RAPH1: variants seen among roughly 807,000 people sequenced by gnomAD.
RAPH1 encodes the protein ras-associated and pleckstrin homology domains-containing protein 1.
RAPH1 carries 18 observed loss-of-function variants against 88.1 expected under a neutral mutation model. That is an observed-to-expected ratio of 0.20 (90% CI 0.14 to 0.30). The LOEUF is 0.30. RAPH1 is among the 10% of genes least tolerant of loss of function. The pLI, the probability that RAPH1 is intolerant of heterozygous loss-of-function variation, is 1.00. For missense variants in RAPH1, 1,448 were observed against 1,543.2 expected, an observed-to-expected ratio of 0.94 and a Z score of 1.03; for synonymous variants, 587 against 559.0, an observed-to-expected ratio of 1.05 and a Z score of -0.71.
intron 1 of RAPH1, among the ~76,000 whole-genome samples, chr2:203,497,608 G>A (rs1688574624): frequency 6.6e-6 from 1 of 151,996 alleles, no homozygotes; most frequent in African/African-American, 2.4e-5. Flanking sequence ...CTAATACTGG[G>A]AAGAACCACA....
rs138368523 is a variant in RAPH1, at chr2:203,473,215, G to T, written c.733-11290C>A. 5.5e-3 allele frequency among the ~76,000 whole-genome samples: 843 copies of T among 152,320 alleles called. 7 individuals carry two copies. Among genetic ancestry groups the T allele is most frequent in the Non-Finnish European group, 9.2e-3 (625 of 68,032 alleles). ...ATAGGAGGACCACTTGAGCCCAGGA[G>T]CTTAAGGCTGCAGTGAGCTAAGATT... On this transcript the variant is annotated intron_variant, in intron 4 of 13. Coordinates refer to ENST00000319170, the MANE Select transcript of RAPH1 (RefSeq NM_213589.3).
chr2:203,470,182 A>AC, intron 4 of RAPH1: 1 of 1,132,760 alleles, frequency 8.8e-7, no homozygotes, highest in East Asian at 2.4e-5. Flanking sequence ...CAAAAACAGA[A>AC]ATCATATTCT....
intron 1 of RAPH1, among the ~76,000 whole-genome samples, chr2:203,512,780 T>C (rs1689411284): frequency 6.6e-6 from 1 of 151,916 alleles, no homozygotes; most frequent in South Asian, 2.1e-4. Context: ...CATGCCACCA[T>C]GCCTGGCTAA....
In RAPH1 at chr2:203,461,442, TA is replaced by T. The variant is rs766760646; in HGVS notation, c.811-35del. 3.3e-6 allele frequency: 5 copies of T among 1,493,728 alleles called. No individual in the cohort carries two copies. In the African/African-American group the frequency reaches 5.6e-5, roughly 17 times the overall value. 92.5% of individuals were successfully genotyped at this position (1,493,728 alleles called of 1,614,324 possible). On this transcript the variant is annotated intron_variant, in intron 5 of 13. Coordinates refer to ENST00000319170, the MANE Select transcript of RAPH1 (RefSeq NM_213589.3). ...GGTAAAAAGAAAAGTAAATGAACAC[TA>T]AAAAATGGCATTCTAGGAAAGGCAC...
In RAPH1 at chr2:203,462,347, G is replaced by A. The variant is rs144574800; in HGVS notation, c.733-422C>T. ...TAAGGGCAAGTCTTTGAATATTAAT[G>A]TTCTGTTCTGTTACACTGAAAGTAT... On this transcript the variant is annotated intron_variant, in intron 4 of 13. Transcript: ENST00000319170. Among the ~76,000 whole-genome samples, 64 of 152,212 alleles carry A rather than the reference G, an allele frequency of 4.2e-4. 1 individual carries two copies. In the East Asian group the frequency reaches 0.012, roughly 28 times the overall value.
chr2:203,486,093 CAAA>C (rs59599120), intron 4 of RAPH1, among the ~76,000 whole-genome samples: 1 of 121,862 alleles, frequency 8.2e-6, no homozygotes, highest in African/African-American at 3.3e-5. Context: ...CTGAAGACTA[CAAA>C]AAAAAAAAAA....
At chr2:203,517,707 C>T (rs1689679464) in intron 1 of RAPH1, among the ~76,000 whole-genome samples, 1 of 151,948 alleles carries the variant, frequency 6.6e-6, no homozygotes, top group Non-Finnish European at 1.5e-5. Flanking sequence ...AAATCAGTCA[C>T]AAACATAATT....
intron 10 of RAPH1, among the ~76,000 whole-genome samples, chr2:203,451,279 T>G (rs1223919236): frequency 6.6e-6 from 1 of 152,176 alleles, no homozygotes; most frequent in Non-Finnish European, 1.5e-5. Context: ...TTTCATTAAA[T>G]ACTCACAAAA....
intron 4 of RAPH1, among the ~76,000 whole-genome samples, chr2:203,476,159 TTTG>T (rs1303529783): frequency 6.6e-6 from 1 of 152,000 alleles, no homozygotes; most frequent in Non-Finnish European, 1.5e-5. Context: ...ACAAATAAAT[TTTG>T]TTGTTTTTGT....
rs1450648180 is a variant in RAPH1 at position 203,506,858 on chromosome 2, A to ATC, written c.1-11506_1-11505insGA. On this transcript the variant is annotated intron_variant, in intron 1 of 13. Coordinates refer to ENST00000319170, the MANE Select transcript of RAPH1 (RefSeq NM_213589.3). ...TATATCTATATATCTATCTATATCT[A>ATC]TATATATATATATATATATATAGAT... Among the ~76,000 whole-genome samples the ATC allele has an allele frequency of 1.0e-3, 69 of 66,580 alleles. 6 individuals carry two copies. Among genetic ancestry groups the ATC allele is most frequent in the Admixed American group, 2.1e-3 (12 of 5,804 alleles). 43.7% of individuals were successfully genotyped at this position (66,580 alleles called of 152,430 possible). A position where few individuals can be genotyped will look rare whatever the true frequency, so the allele number is the denominator to read the frequency against.
chr2:203,495,048 A>G, intron 2 of RAPH1, 186 bp downstream of exon 2: 1 of 545,668 alleles, frequency 1.8e-6, no homozygotes, highest in Non-Finnish European at 3.1e-6. Context: ...ACATCCTTAA[A>G]ATAACCATAG....
At chr2:203,477,234 A>C in intron 4 of RAPH1, 1 of 1,052,230 alleles carries the variant, frequency 9.5e-7, no homozygotes, top group Non-Finnish European at 1.5e-6. Flanking sequence ...GCAGGAAGAG[A>C]AAAAGATCAA....
chr2:203,479,360 T>C (rs950722673), intron 4 of RAPH1, among the ~76,000 whole-genome samples: 2 of 152,214 alleles, frequency 1.3e-5, no homozygotes, highest in South Asian at 4.1e-4. Flanking sequence ...TCCCAGCCCT[T>C]TGGGAGGCTG....
rs1272663946 is a variant in RAPH1, at chr2:203,506,873, T to TAG, written c.1-11521_1-11520insCT. Among the ~76,000 whole-genome samples, 220 of 105,412 alleles carry TAG rather than the reference T, an allele frequency of 2.1e-3. 8 individuals are homozygous for TAG. The highest frequency in any genetic ancestry group is 3.1e-3 in the Non-Finnish European group (170 of 55,272). The allele number at this position is 105,412 out of a possible 152,430, so 69.2% of individuals were successfully genotyped here. A position where few individuals can be genotyped will look rare whatever the true frequency, so the allele number is the denominator to read the frequency against. On this transcript the variant is annotated intron_variant, in intron 1 of 13. Transcript: ENST00000319170. ...ATCTATATCTATATATATATATATA[T>TAG]ATATATAGATATATATATATATATA...
In RAPH1 at chr2:203,455,514, C is replaced by G; in HGVS notation, c.1225G>C (p.Gly409Arg). The change falls in exon 9 of 14, where the codon GGC (glycine) becomes CGC (arginine). Residue 409 changes from glycine (G) to arginine (R), a missense_variant. Coordinates refer to ENST00000319170, the MANE Select transcript of RAPH1 (RefSeq NM_213589.3). ...TAACGCTTTTTCCAGGACTTCTTGC[C>G]ATCATCCTTCAACCAAAGGACTCCT... ...IEGVLWLKDD[G>R]KKSWKKRYFL... 6.2e-7 allele frequency: 1 copy of G among 1,613,774 alleles called. No individual in the cohort carries two copies. The highest frequency in any genetic ancestry group is 8.5e-7 in the Non-Finnish European group (1 of 1,179,726).
chr2:203,509,701 C>G (rs1031696257), intron 1 of RAPH1, among the ~76,000 whole-genome samples: 3 of 152,146 alleles, frequency 2.0e-5, no homozygotes, highest in Non-Finnish European at 4.4e-5. Flanking sequence ...CCCTGCAAAT[C>G]TCATGTCAAA....
At chr2:203,488,297 T>C (rs1168585093) in intron 4 of RAPH1, among the ~76,000 whole-genome samples, 2 of 152,018 alleles carry the variant, frequency 1.3e-5, no homozygotes, top group Non-Finnish European at 2.9e-5. Context: ...GGAAGGCAGA[T>C]ATAGTATTAC....
intron 10 of RAPH1, among the ~76,000 whole-genome samples, chr2:203,449,149 A>G (rs192484969): frequency 1.1e-3 from 170 of 152,378 alleles, no homozygotes; most frequent in Non-Finnish European, 2.1e-3. Flanking sequence ...AACAGAGTCC[A>G]TAGAATTCTC....
At position 203,439,132 on chromosome 2, in the gene RAPH1, C is replaced by T. The variant is rs2098500819; in HGVS notation, c.*305G>A. On this transcript the variant is annotated 3_prime_UTR_variant, in exon 14 of 14. Coordinates refer to ENST00000319170, the MANE Select transcript of RAPH1 (RefSeq NM_213589.3). ...GAAATCTTAAGAGACAACACACATC[C>T]CCTTCTATGCCTCTTCCACCCAAAA... The T allele has an allele frequency of 3.5e-6, 1 of 282,126 alleles. No homozygotes were observed. Among genetic ancestry groups the T allele is most frequent in the Non-Finnish European group, 6.7e-6 (1 of 148,222 alleles). The allele number at this position is 282,126 out of a possible 1,614,324, so 17.5% of individuals were successfully genotyped here.
Sources: allele counts gnomAD v4.1 joint callset (sites outside exome capture counted in the v4.1 genomes callset), GRCh38; gene constraint gnomAD v4.1.1; transcripts MANE v1.5; gene names NCBI Gene and HGNC (gene_info 2026-07-23, HGNC 2026-07-21).